MARCHF1: variants seen among roughly 807,000 people sequenced by gnomAD.
The protein encoded by MARCHF1 is membrane associated ring-CH-type finger 1.
Under a neutral mutation model 54.2 loss-of-function variants are expected in MARCHF1, and 40 were observed. The observed-to-expected ratio is 0.74, with a 90% CI of 0.57 to 0.96. The LOEUF (loss-of-function observed/expected upper bound fraction) is 0.96, where lower values mean the gene tolerates loss of function less well. Among genes scored for constraint, MARCHF1 ranks in the 40% least tolerant of loss-of-function variants. MARCHF1 has a pLI of 0.00. For synonymous variants in MARCHF1, 236 were observed against 236.3 expected (o/e 1.00, Z 0.01); for missense variants, 586 against 656.5 (o/e 0.89, Z 1.17).
chr4:163,624,617 A>G (rs1361637482), intron 5 of MARCHF1, among the ~76,000 whole-genome samples: 2 of 152,332 alleles, frequency 1.3e-5, no homozygotes, highest in East Asian at 3.9e-4. Context: ...GGTCCTCAGC[A>G]TAAGCTGCAC....
chr4:163,899,103 A>G (rs1750880976), intron 3 of MARCHF1, among the ~76,000 whole-genome samples: 1 of 152,298 alleles, frequency 6.6e-6, no homozygotes, highest in Middle Eastern at 3.4e-3. Context: ...CTGCACTGGA[A>G]GCTCTATCCC....
intron 3 of MARCHF1, among the ~76,000 whole-genome samples, chr4:163,944,586 A>G (rs1203086404): frequency 6.6e-6 from 1 of 152,118 alleles, no homozygotes; most frequent in Non-Finnish European, 1.5e-5. Flanking sequence ...CCTCCACTCC[A>G]TCCCACTTCC....
At chr4:164,021,079 CTT>C (rs58872172) in intron 2 of MARCHF1, among the ~76,000 whole-genome samples, 2,041 of 141,640 alleles carry the variant, frequency 0.014, 47 homozygotes, top group African/African-American at 0.05. Flanking sequence ...ATTTCTGTCC[CTT>C]TTTTTTTTTT....
At chr4:164,250,462 G>A (rs1055219095) in intron 1 of MARCHF1, among the ~76,000 whole-genome samples, 21 of 152,020 alleles carry the variant, frequency 1.4e-4, no homozygotes, top group Non-Finnish European at 2.5e-4. Context: ...AATACTTTCA[G>A]TACTATTTTG....
At chr4:164,312,761 C>G (rs1734893106) in intron 1 of MARCHF1, among the ~76,000 whole-genome samples, 1 of 151,998 alleles carries the variant, frequency 6.6e-6, no homozygotes, top group South Asian at 2.1e-4. Context: ...ATATACATAT[C>G]AACAGATTTT....
chr4:163,543,421 G>A (rs1026593534), intron 9 of MARCHF1, among the ~76,000 whole-genome samples: 5 of 151,594 alleles, frequency 3.3e-5, no homozygotes, highest in African/African-American at 1.2e-4. Flanking sequence ...GCTACTAGAT[G>A]TTAGTGGTGC....
chr4:163,675,645 A>T (rs1743887024), intron 5 of MARCHF1, among the ~76,000 whole-genome samples: 1 of 152,020 alleles, frequency 6.6e-6, no homozygotes, highest in Admixed American at 6.6e-5. Context: ...GTGTAGATAG[A>T]TATTAGTAAA....
intron 1 of MARCHF1, among the ~76,000 whole-genome samples, chr4:164,230,512 CAATTA>C (rs1403566849): frequency 2.1e-5 from 2 of 94,864 alleles, no homozygotes; most frequent in Non-Finnish European, 5.5e-5. Context: ...ACCATCACCT[CAATTA>C]TTTACCTTTT....
intron 1 of MARCHF1, among the ~76,000 whole-genome samples, chr4:164,281,340 A>G (rs567945946): frequency 3.6e-4 from 55 of 152,298 alleles, no homozygotes; most frequent in Middle Eastern, 3.4e-3. Flanking sequence ...AAGGGCTTAC[A>G]TCAAAAGTCA....
intron 1 of MARCHF1, among the ~76,000 whole-genome samples, chr4:164,298,170 T>A (rs1734459860): frequency 6.6e-6 from 1 of 152,216 alleles, no homozygotes; most frequent in East Asian, 1.9e-4. Context: ...AAATGTACTT[T>A]TTCTTTACAA....
chr4:163,628,449 T>C (rs1242541258), intron 5 of MARCHF1, among the ~76,000 whole-genome samples: 3 of 152,194 alleles, frequency 2.0e-5, no homozygotes, highest in Non-Finnish European at 4.4e-5. Context: ...TCATATTGAA[T>C]GGGCAAAAGC....
intron 3 of MARCHF1, among the ~76,000 whole-genome samples, chr4:163,900,850 T>TA (rs1444952233): frequency 6.6e-6 from 1 of 152,182 alleles, no homozygotes; most frequent in East Asian, 1.9e-4. Flanking sequence ...AATAAACATG[T>TA]ATATTAAGGG....
At chr4:163,756,032 C>T (rs1746656543) in intron 4 of MARCHF1, among the ~76,000 whole-genome samples, 1 of 152,148 alleles carries the variant, frequency 6.6e-6, no homozygotes, top group Admixed American at 6.5e-5. Context: ...CCTGTGTATG[C>T]AGCAATTGCC....
chr4:164,043,860 CT>C (rs1222622732), intron 2 of MARCHF1, among the ~76,000 whole-genome samples: 1 of 152,172 alleles, frequency 6.6e-6, no homozygotes, highest in African/African-American at 2.4e-5. Flanking sequence ...TTAGAAATTT[CT>C]TCCACCAGAT....
chr4:164,213,417 A>G (rs1731837066), intron 1 of MARCHF1, among the ~76,000 whole-genome samples: 2 of 151,740 alleles, frequency 1.3e-5, no homozygotes, highest in Admixed American at 1.3e-4. Flanking sequence ...GTATTTTTTT[A>G]GTAGAGACGG....
intron 3 of MARCHF1, among the ~76,000 whole-genome samples, chr4:163,925,910 C>T (rs1205815542): frequency 1.3e-5 from 2 of 151,592 alleles, no homozygotes; most frequent in African/African-American, 2.4e-5. Flanking sequence ...TTTATAAATA[C>T]TTGTCCAAAG....
At chr4:163,670,376 A>ATCTGTCTG (rs748443221) in intron 5 of MARCHF1, among the ~76,000 whole-genome samples, 478 of 126,048 alleles carry the variant, frequency 3.8e-3, no homozygotes, top group Middle Eastern at 8.1e-3. Flanking sequence ...CTATCTATCT[A>ATCTGTCTG]TCTATCTGTC....
chr4:163,797,773 A>T (rs1747960319), intron 4 of MARCHF1, among the ~76,000 whole-genome samples: 1 of 152,056 alleles, frequency 6.6e-6, no homozygotes, highest in African/African-American at 2.4e-5. Context: ...ATTTATCCAC[A>T]ATTTATACTT....
chr4:163,752,440 T>C (rs988317940), intron 4 of MARCHF1, among the ~76,000 whole-genome samples: 3 of 152,218 alleles, frequency 2.0e-5, no homozygotes, highest in Admixed American at 6.5e-5. Flanking sequence ...GAAGCCAGCC[T>C]ACTTGGCTTT....
Sources: gnomAD v4.1 joint callset for allele counts (sites outside exome capture counted in the v4.1 genomes callset) on GRCh38, gnomAD v4.1.1 for gene constraint, MANE v1.5 for transcripts, NCBI Gene and HGNC (gene_info 2026-07-23, HGNC 2026-07-21) for gene names.